The following CHCT1 variants were observed in gnomAD, a reference collection of about 807,000 sequenced individuals.
The protein encoded by CHCT1 is CHD1 helical C-terminal domain containing protein 1.
the CHCT1 span, chr17:60,431,315 G>A: frequency 1.5e-5 from 20 of 1,343,524 alleles, no homozygotes; most frequent in Middle Eastern, 1.8e-4. Context: ...CTCAGAGCAC[G>A]GGGAATGGAG....
At chr17:60,426,362 C>A in the CHCT1 span, 1 of 1,532,372 alleles carries the variant, frequency 6.5e-7, no homozygotes, top group Admixed American at 2.1e-5. Flanking sequence ...TGCTCTGCTC[C>A]CCATACCTAC....
the CHCT1 span, chr17:60,429,225 C>T: frequency 2.2e-6 from 2 of 912,662 alleles, no homozygotes; most frequent in Non-Finnish European, 3.2e-6. Flanking sequence ...ATCTGTGATT[C>T]CTACCCCATC....
chr17:60,430,313 A>G, the CHCT1 span, among the ~76,000 whole-genome samples: 1 of 151,978 alleles, frequency 6.6e-6, no homozygotes, highest in Non-Finnish European at 1.5e-5. Context: ...GCTAGAGGCT[A>G]CATAAGAGAT....
the CHCT1 span, among the ~76,000 whole-genome samples, chr17:60,430,791 TTC>T: frequency 2.0e-5 from 3 of 152,186 alleles, no homozygotes; most frequent in Non-Finnish European, 4.4e-5. Context: ...ATAAAGTCAG[TTC>T]TTAATTAAAA....
the CHCT1 span, among the ~76,000 whole-genome samples, chr17:60,424,789 C>A: frequency 6.6e-6 from 1 of 151,926 alleles, no homozygotes; most frequent in African/African-American, 2.4e-5. Flanking sequence ...AGGAGAATCG[C>A]TTGAACCCGG....
At chr17:60,429,847 C>T in the CHCT1 span, among the ~76,000 whole-genome samples, 1,302 of 151,958 alleles carry the variant, frequency 8.6e-3, 17 homozygotes, top group African/African-American at 0.029. Context: ...TTTTTCCAGA[C>T]GGAGTCTCGC....
chr17:60,429,425 C>T, the CHCT1 span: 1 of 1,614,128 alleles, frequency 6.2e-7, no homozygotes, highest in Non-Finnish European at 8.5e-7. Flanking sequence ...AGACAGTCTG[C>T]CCAAGCTCTG....
At chr17:60,422,610 G>C in the CHCT1 span, 2 of 1,550,346 alleles carry the variant, frequency 1.3e-6, no homozygotes, top group Non-Finnish European at 1.7e-6. Context: ...CCTCAGATGG[G>C]CAAGGGGGTG....
the CHCT1 span, among the ~76,000 whole-genome samples, chr17:60,430,473 ATTTTATT>A: frequency 6.6e-6 from 1 of 151,904 alleles, no homozygotes; most frequent in African/African-American, 2.4e-5. Flanking sequence ...AAAGTAAGTT[ATTTTATT>A]TTTTATTTTT....
the CHCT1 span, among the ~76,000 whole-genome samples, chr17:60,430,275 T>A: frequency 6.6e-6 from 1 of 152,022 alleles, no homozygotes; most frequent in Non-Finnish European, 1.5e-5. Flanking sequence ...TCGAAAGTCT[T>A]CATGGGTTCA....
At chr17:60,431,150 T>C in the CHCT1 span, 12 of 1,464,810 alleles carry the variant, frequency 8.2e-6, no homozygotes, top group Non-Finnish European at 1.0e-5. Flanking sequence ...TGTGATGTCA[T>C]TGGGACTGTC....
the CHCT1 span, among the ~76,000 whole-genome samples, chr17:60,430,072 G>A: frequency 1.6e-4 from 23 of 146,988 alleles, no homozygotes; most frequent in African/African-American, 5.0e-4. Context: ...CAATCCAGCC[G>A]CCTCAGCCTC....
the CHCT1 span, chr17:60,422,198 G>A: frequency 8.5e-5 from 25 of 293,760 alleles, no homozygotes; most frequent in African/African-American, 5.4e-4. Flanking sequence ...GCGTAACCCA[G>A]CAGGCAGGAA....
the CHCT1 span, among the ~76,000 whole-genome samples, chr17:60,427,178 A>G: frequency 6.6e-6 from 1 of 152,232 alleles, no homozygotes; most frequent in African/African-American, 2.4e-5. Flanking sequence ...GGGCTACCCT[A>G]TGGGCAGTGT....
chr17:60,431,334 G>A, the CHCT1 span: 1 of 1,121,206 alleles, frequency 8.9e-7, no homozygotes, highest in East Asian at 2.5e-5. Context: ...AGACCAAAAA[G>A]GGAAAAGAAT....
chr17:60,425,715 C>T, the CHCT1 span: 3 of 1,234,184 alleles, frequency 2.4e-6, no homozygotes, highest in Non-Finnish European at 3.5e-6. Context: ...TTGGGTCAGT[C>T]CCTGCCAGCA....
chr17:60,425,772 C>T, the CHCT1 span: 3 of 1,543,996 alleles, frequency 1.9e-6, no homozygotes, highest in African/African-American at 2.7e-5. Context: ...GTGCCCCCTG[C>T]CTCCTCCTAG....
the CHCT1 span, among the ~76,000 whole-genome samples, chr17:60,429,028 G>A: frequency 1.3e-5 from 2 of 151,696 alleles, no homozygotes; most frequent in Admixed American, 6.6e-5. Context: ...TCAGCTAAAC[G>A]AGTAAGGCTC....
the CHCT1 span, chr17:60,429,426 C>T: frequency 6.2e-7 from 1 of 1,614,116 alleles, no homozygotes; most frequent in Non-Finnish European, 8.5e-7. Flanking sequence ...GACAGTCTGC[C>T]CAAGCTCTGC....
Sources: allele counts gnomAD v4.1 joint callset (sites outside exome capture counted in the v4.1 genomes callset), GRCh38; gene constraint gnomAD v4.1.1; transcripts MANE v1.5; gene names NCBI Gene and HGNC (gene_info 2026-07-23, HGNC 2026-07-21).